Variants in ABCG1 observed in about 807,000 individuals in gnomAD.
ABCG1 encodes ATP-binding cassette sub-family G member 1.
A neutral mutation model predicts 69.2 loss-of-function variants in ABCG1; 29 were observed. The observed-to-expected ratio is 0.42, with a 90% CI of 0.31 to 0.57. The LOEUF is 0.57. Among genes scored for constraint, ABCG1 ranks in the 20% least tolerant of loss-of-function variants. The probability of loss-of-function intolerance (pLI) is 0.15; values close to 1 mark genes in which losing one functional copy is unlikely to be tolerated. For synonymous variants in ABCG1, 370 were observed against 374.8 expected (o/e 0.99, Z 0.15); for missense variants, 718 against 898.1 (o/e 0.80, Z 2.56).
chr21:42,225,201 A>G (rs2067795677), intron 1 of ABCG1, among the ~76,000 whole-genome samples: 1 of 152,230 alleles, frequency 6.6e-6, no homozygotes, highest in Non-Finnish European at 1.5e-5. Flanking sequence ...AGGTGATGTC[A>G]TTGCTCCTGA....
Position 42,295,667 on chromosome 21 carries a change from G to A in ABCG1, c.1773-497G>A, listed in dbSNP as rs574970239. ...AAACAAAGCACTTGTACAGAGTTTC[G>A]ACAATCTGCGTGTGCTCCAACACTA... On this transcript the variant is annotated intron_variant, in intron 14 of 14. Transcript: ENST00000398449. Among the ~76,000 whole-genome samples, 16 of 152,342 alleles carry A rather than the reference G, an allele frequency of 1.1e-4. No individual in the cohort carries two copies. The South Asian group carries it at 2.9e-3, about 28-fold the overall frequency.
At chr21:42,257,371 T>A (rs1167753824) in intron 2 of ABCG1, among the ~76,000 whole-genome samples, 1 of 152,254 alleles carries the variant, frequency 6.6e-6, no homozygotes, top group Non-Finnish European at 1.5e-5. Flanking sequence ...CTCTGCAGCA[T>A]CTGGCCTGAG....
intron 2 of ABCG1, among the ~76,000 whole-genome samples, chr21:42,246,247 A>G (rs1301515517): frequency 6.6e-6 from 1 of 152,252 alleles, no homozygotes; most frequent in Admixed American, 6.5e-5. Flanking sequence ...GAGGCTGTAG[A>G]TATAAAGCCA....
At chr21:42,251,181 C>T (rs2068215376) in intron 2 of ABCG1, among the ~76,000 whole-genome samples, 1 of 152,160 alleles carries the variant, frequency 6.6e-6, no homozygotes, top group South Asian at 2.1e-4. Flanking sequence ...TGTTTTGACT[C>T]TCCTGATGGT....
At chr21:42,226,026 C>A in intron 2 of ABCG1, 112 bp downstream of exon 2, 2 of 1,249,892 alleles carry the variant, frequency 1.6e-6, no homozygotes, top group South Asian at 1.4e-5. Flanking sequence ...CTTCTCTTCC[C>A]AACGCCGTCA....
intron 2 of ABCG1, among the ~76,000 whole-genome samples, chr21:42,258,834 T>C (rs1162587972): frequency 6.6e-6 from 1 of 152,210 alleles, no homozygotes; most frequent in Non-Finnish European, 1.5e-5. Context: ...AGCAGCTTTG[T>C]TCCCTAATTA....
chr21:42,237,731 C>T (rs887739024), intron 2 of ABCG1, among the ~76,000 whole-genome samples: 1 of 152,234 alleles, frequency 6.6e-6, no homozygotes, highest in African/African-American at 2.4e-5. Context: ...AGATGCTGGG[C>T]TGTTTTGATC....
intron 13 of ABCG1, among the ~76,000 whole-genome samples, chr21:42,293,964 CCA>C (rs1265487967): frequency 9.3e-5 from 3 of 32,132 alleles, no homozygotes; most frequent in African/African-American, 2.9e-4. Context: ...CACACACACT[CCA>C]CACACACACT....
At chr21:42,271,845 C>T (rs1391681257) in intron 3 of ABCG1, among the ~76,000 whole-genome samples, 4 of 152,202 alleles carry the variant, frequency 2.6e-5, no homozygotes, top group Admixed American at 6.5e-5. Context: ...GATCACACCA[C>T]TGCACTCCAG....
chr21:42,234,623 G>A (rs1424953690), intron 2 of ABCG1, among the ~76,000 whole-genome samples: 1 of 152,212 alleles, frequency 6.6e-6, no homozygotes, highest in Admixed American at 6.5e-5. Flanking sequence ...GCAGGCTCCC[G>A]GAAGGCCGGG....
intron 2 of ABCG1, among the ~76,000 whole-genome samples, chr21:42,262,088 G>C (rs565659522): frequency 1.3e-5 from 2 of 152,144 alleles, no homozygotes; most frequent in Non-Finnish European, 2.9e-5. Context: ...AACCAGGACT[G>C]GGGGGTTAAT....
intron 2 of ABCG1, among the ~76,000 whole-genome samples, chr21:42,251,310 G>A (rs2068217302): frequency 6.6e-6 from 1 of 152,234 alleles, no homozygotes; most frequent in African/African-American, 2.4e-5. Flanking sequence ...ATGCTTCACA[G>A]TCCTGATCTC....
chr21:42,282,268 C>T lies in ABCG1; in HGVS notation c.589-6C>T, dbSNP rs764841689. ...CTCCCAATGTCTCTCGTTCTGTTGC[C>T]CCCAGGTCAAGGAGATACTGACAGC... On this transcript the variant is annotated splice_polypyrimidine_tract_variant and splice_region_variant and intron_variant, in intron 5 of 14. Coordinates refer to ENST00000398449, the MANE Select transcript of ABCG1 (RefSeq NM_016818.3). 1.1e-5 allele frequency: 17 copies of T among 1,610,118 alleles called. No individual in the cohort carries two copies. In the South Asian group the frequency reaches 1.4e-4, roughly 14 times the overall value.
Position 42,288,199 on chromosome 21 carries a change from G to A in ABCG1, c.1123-12G>A, listed in dbSNP as rs760616657. 2.2e-5 allele frequency: 35 copies of A among 1,613,798 alleles called. No individual in the cohort carries two copies. Among genetic ancestry groups the A allele is most frequent in the African/African-American group, 5.3e-5 (4 of 74,908 alleles). On this transcript the variant is annotated splice_polypyrimidine_tract_variant and intron_variant, in intron 9 of 14. Coordinates refer to ENST00000398449, the MANE Select transcript of ABCG1 (RefSeq NM_016818.3). The surrounding 1 kb of genome is among the most constrained non-coding windows in gnomAD (Gnocchi z 4.8). ...TGGCTTTCACCCGCTCCCCTCTTGC[G>A]TGTGTCCTCAGGACTCCTCGTCCAT...
intron 2 of ABCG1, among the ~76,000 whole-genome samples, chr21:42,235,691 T>C (rs2067969464): frequency 6.6e-6 from 1 of 152,196 alleles, no homozygotes; most frequent in Non-Finnish European, 1.5e-5. Flanking sequence ...TACGGGGCTG[T>C]GGGGACCTAG....
chr21:42,200,796 C>T (rs1166855334), intron 1 of ABCG1, among the ~76,000 whole-genome samples: 1 of 152,046 alleles, frequency 6.6e-6, no homozygotes, highest in Admixed American at 6.6e-5. Flanking sequence ...ACCATGTTGG[C>T]CAGGCTGGTC....
At chr21:42,264,427 A>G (rs1220268617) in intron 2 of ABCG1, among the ~76,000 whole-genome samples, 1 of 152,110 alleles carries the variant, frequency 6.6e-6, no homozygotes, top group East Asian at 1.9e-4. Context: ...CCATCTGTCC[A>G]TCCATCCATC....
chr21:42,216,910 C>G (rs2067646953), upstream of ABCG1, among the ~76,000 whole-genome samples: 2 of 152,166 alleles, frequency 1.3e-5, no homozygotes, highest in South Asian at 4.1e-4. Context: ...TGCCTTATTT[C>G]CCACGTGGTG....
At chr21:42,248,799 TG>T (rs1191784504) in intron 2 of ABCG1, among the ~76,000 whole-genome samples, 3 of 147,658 alleles carry the variant, frequency 2.0e-5, no homozygotes, top group Non-Finnish European at 4.5e-5. Flanking sequence ...CCCAGTTACT[TG>T]GGGGGCTGAG....
Sources: gnomAD v4.1 joint callset for allele counts (sites outside exome capture counted in the v4.1 genomes callset) on GRCh38, gnomAD v4.1.1 for gene constraint, Gnocchi (gnomAD v3.1) non-coding constraint, MANE v1.5 for transcripts, NCBI Gene and HGNC (gene_info 2026-07-23, HGNC 2026-07-21) for gene names.